Variants in GRM3 observed in about 807,000 individuals in gnomAD.
The protein encoded by GRM3 is metabotropic glutamate receptor 3.
A neutral mutation model predicts 70.5 loss-of-function variants in GRM3; 26 were observed. That is an observed-to-expected ratio of 0.37 (90% CI 0.27 to 0.51). The LOEUF (loss-of-function observed/expected upper bound fraction) is 0.51. Ranked by LOEUF, GRM3 falls within the 20% of genes least tolerant of loss-of-function variation. The pLI is 0.93. For synonymous variants in GRM3, 443 were observed against 434.9 expected (o/e 1.02, Z -0.23); for missense variants, 859 against 1,123.8 (o/e 0.76, Z 3.37).
At chr7:86,721,866 C>G (rs1346412685) in intron 1 of GRM3, among the ~76,000 whole-genome samples, 1 of 152,096 alleles carries the variant, frequency 6.6e-6, no homozygotes, top group African/African-American at 2.4e-5. Flanking sequence ...TGTGACAAGG[C>G]AGTGTGATGT....
intron 1 of GRM3, among the ~76,000 whole-genome samples, chr7:86,656,657 C>G (rs1309125860): frequency 6.6e-6 from 1 of 151,876 alleles, no homozygotes; most frequent in Non-Finnish European, 1.5e-5. Flanking sequence ...CGCTCACTTG[C>G]TTAGATACCT....
At chr7:86,837,691 T>C (rs1209145426) in intron 3 of GRM3, among the ~76,000 whole-genome samples, 1 of 151,994 alleles carries the variant, frequency 6.6e-6, no homozygotes, top group East Asian at 1.9e-4. Context: ...AGCTTCAAGA[T>C]GGAAGGAATC....
intron 3 of GRM3, among the ~76,000 whole-genome samples, chr7:86,820,004 A>G (rs1010863441): frequency 6.6e-6 from 1 of 152,098 alleles, no homozygotes. Flanking sequence ...ATTGAATTCC[A>G]CTAACTAGAA....
intron 1 of GRM3, among the ~76,000 whole-genome samples, chr7:86,676,045 G>A (rs1293305046): frequency 1.3e-5 from 2 of 151,826 alleles, no homozygotes; most frequent in Non-Finnish European, 2.9e-5. Flanking sequence ...ATTCGTCAGT[G>A]TATTGTCCTA....
intron 1 of GRM3, among the ~76,000 whole-genome samples, chr7:86,725,311 T>C (rs1465554644): frequency 6.6e-6 from 1 of 152,098 alleles, no homozygotes; most frequent in African/African-American, 2.4e-5. Context: ...AAAGATCACC[T>C]CAATCTGAAT....
chr7:86,690,681 A>G (rs1032067857), intron 1 of GRM3, among the ~76,000 whole-genome samples: 10 of 152,092 alleles, frequency 6.6e-5, no homozygotes, highest in African/African-American at 2.2e-4. Context: ...TGAGAGTGCT[A>G]GTAGTGAGAG....
intron 1 of GRM3, among the ~76,000 whole-genome samples, chr7:86,671,414 T>A (rs917783006): frequency 6.6e-6 from 1 of 152,196 alleles, no homozygotes; most frequent in Non-Finnish European, 1.5e-5. Flanking sequence ...AGTTAGCACA[T>A]CTAGCACATA....
chr7:86,796,790 T>A (rs1797560378), intron 3 of GRM3, among the ~76,000 whole-genome samples: 1 of 152,150 alleles, frequency 6.6e-6, no homozygotes, highest in South Asian at 2.1e-4. Context: ...CACCCAAATC[T>A]CATCTTAAAT....
chr7:86,726,073 G>A (rs886846930), intron 1 of GRM3, among the ~76,000 whole-genome samples: 6 of 152,176 alleles, frequency 3.9e-5, no homozygotes, highest in African/African-American at 1.4e-4. Flanking sequence ...AGATAGTTGT[G>A]CTAGAGTGAC....
intron 2 of GRM3, among the ~76,000 whole-genome samples, chr7:86,773,005 C>A (rs536504641): frequency 4.2e-4 from 63 of 151,804 alleles, no homozygotes; most frequent in African/African-American, 1.4e-3. Flanking sequence ...ACGATTTCAA[C>A]GTTTATTTTT....
intron 3 of GRM3, among the ~76,000 whole-genome samples, chr7:86,806,413 GT>G (rs1397258946): frequency 1.3e-5 from 2 of 152,162 alleles, no homozygotes; most frequent in Admixed American, 1.3e-4. Flanking sequence ...AGCACCTGTT[GT>G]TTCCTGACTT....
At chr7:86,773,720 A>AG (rs1796805135) in intron 2 of GRM3, among the ~76,000 whole-genome samples, 1 of 152,110 alleles carries the variant, frequency 6.6e-6, no homozygotes, top group Admixed American at 6.6e-5. Context: ...CATCACAGGG[A>AG]GGGAGGCACC....
At chr7:86,850,337 G>A (rs753244583) in intron 4 of GRM3, 33 bp from the exon 5 acceptor site, 1 of 1,549,290 alleles carries the variant, frequency 6.5e-7, no homozygotes, top group Non-Finnish European at 8.9e-7. Context: ...TGAATGTACA[G>A]CCAGACACTT....
chr7:86,776,482 T>C (rs1796895463), intron 2 of GRM3, among the ~76,000 whole-genome samples: 1 of 152,036 alleles, frequency 6.6e-6, no homozygotes, highest in Admixed American at 6.6e-5. Context: ...TGAATATACC[T>C]TTGCCCTAAA....
At chr7:86,757,186 C>T (rs1477413489) in intron 1 of GRM3, among the ~76,000 whole-genome samples, 3 of 152,134 alleles carry the variant, frequency 2.0e-5, no homozygotes, top group Admixed American at 2.0e-4. Flanking sequence ...TCTCTCTTTG[C>T]TCTGGGTGCT....
At chr7:86,819,758 C>T (rs17161023) in intron 3 of GRM3, among the ~76,000 whole-genome samples, 1 of 152,096 alleles carries the variant, frequency 6.6e-6, no homozygotes, top group Non-Finnish European at 1.5e-5. Context: ...TCCTTCAAAA[C>T]TTGTCCTTCC....
chr7:86,644,376 C>T lies in GRM3; in HGVS notation c.-637C>T. On this transcript the variant is annotated 5_prime_UTR_variant, in exon 1 of 6. Transcript: ENST00000361669. Reference sequence around the variant, plus strand: ...AGAGGATGCCAGGAGGTCCGTGCTTCTGCCAAGAGTCCCAATTAGATGCGA... The same window carrying T: ...AGAGGATGCCAGGAGGTCCGTGCTTTTGCCAAGAGTCCCAATTAGATGCGA... 3.3e-6 allele frequency: 1 copy of T among 298,720 alleles called. No individual in the cohort carries two copies. The highest frequency in any genetic ancestry group is 1.1e-4 in the East Asian group (1 of 9,220). The allele number at this position is 298,720 out of a possible 1,614,324, so 18.5% of individuals were successfully genotyped here.
intron 3 of GRM3, among the ~76,000 whole-genome samples, chr7:86,797,585 TAA>T (rs1482884000): frequency 1.4e-4 from 22 of 152,258 alleles, no homozygotes; most frequent in Non-Finnish European, 5.9e-5. Flanking sequence ...AACTTATGTT[TAA>T]AAGAGGAGAG....
intron 2 of GRM3, among the ~76,000 whole-genome samples, chr7:86,768,536 T>C (rs1442620563): frequency 6.6e-6 from 1 of 152,206 alleles, no homozygotes; most frequent in African/African-American, 2.4e-5. Context: ...AATATGTTCA[T>C]GTAGCTCACA....
Sources: allele counts gnomAD v4.1 joint callset (sites outside exome capture counted in the v4.1 genomes callset), GRCh38; gene constraint gnomAD v4.1.1; transcripts MANE v1.5; gene names NCBI Gene and HGNC (gene_info 2026-07-23, HGNC 2026-07-21).